Variants in MACROD2 observed in about 807,000 individuals in gnomAD.
MACROD2 encodes ADP-ribose glycohydrolase MACROD2.
In MACROD2, 36 loss-of-function variants were observed where a neutral mutation model predicts 70.4. The observed-to-expected ratio is 0.51, with a 90% CI of 0.39 to 0.68. MACROD2 has a LOEUF of 0.68. Among genes scored for constraint, MACROD2 ranks in the 30% least tolerant of loss-of-function variants. MACROD2 has a pLI of 0.00. For synonymous variants in MACROD2, 172 were observed against 178.8 expected (o/e 0.96, Z 0.30); for missense variants, 496 against 538.4 (o/e 0.92, Z 0.78).
intron 3 of MACROD2, among the ~76,000 whole-genome samples, chr20:14,233,040 A>T (rs145680455): frequency 2.8e-4 from 43 of 152,332 alleles, no homozygotes; most frequent in African/African-American, 1.0e-3. Flanking sequence ...AGAGGGAGAG[A>T]TATGGATAAT....
chr20:15,718,019 T>TC (rs199963390), intron 8 of MACROD2, among the ~76,000 whole-genome samples: 1,171 of 79,842 alleles, frequency 0.015, 12 homozygotes, highest in African/African-American at 0.12. Flanking sequence ...GTTTTCTCTC[T>TC]TTTTTTTTTT....
chr20:15,097,616 T>A (rs534177660), intron 5 of MACROD2, among the ~76,000 whole-genome samples: 2 of 152,112 alleles, frequency 1.3e-5, no homozygotes, highest in Non-Finnish European at 2.9e-5. Flanking sequence ...AGAAATAGGA[T>A]TGAGTTGATC....
At position 15,933,298 on chromosome 20, in the gene MACROD2, G is replaced by A; in HGVS notation, c.798G>A (p.Lys266=). 6.2e-7 allele frequency: 1 copy of A among 1,613,372 alleles called. No individual in the cohort carries two copies. The highest frequency in any genetic ancestry group is 2.2e-5 in the East Asian group (1 of 44,840). The change falls in exon 11 of 18, where the codon AAG becomes AAA. Residue 266 remains lysine, a synonymous_variant. Coordinates refer to ENST00000684519, the MANE Select transcript of MACROD2 (RefSeq NM_001351661.2). ...EDSDENGPEE[K]QSVEEMEEQS... Reference sequence around the variant, plus strand: ...AAGATGAGAACGGTCCAGAGGAGAAGCAAAGTGTGGAAGAAATGGAAGAGC... The same window carrying A: ...AAGATGAGAACGGTCCAGAGGAGAAACAAAGTGTGGAAGAAATGGAAGAGC...
At chr20:15,848,705 C>A (rs981189824) in intron 8 of MACROD2, among the ~76,000 whole-genome samples, 2 of 152,086 alleles carry the variant, frequency 1.3e-5, no homozygotes, top group Non-Finnish European at 2.9e-5. Context: ...AGAGGAAAAG[C>A]TATTTCTTCC....
At chr20:15,179,713 A>G (rs1016006656) in intron 5 of MACROD2, among the ~76,000 whole-genome samples, 1 of 152,116 alleles carries the variant, frequency 6.6e-6, no homozygotes, top group Non-Finnish European at 1.5e-5. Context: ...CCTCCTACCT[A>G]TGAATTACAG....
At chr20:14,265,793 T>C (rs2082139646) in intron 3 of MACROD2, among the ~76,000 whole-genome samples, 1 of 150,330 alleles carries the variant, frequency 6.7e-6, no homozygotes, top group African/African-American at 2.4e-5. Flanking sequence ...TTTTTTTTTT[T>C]TGAGACAGAG....
intron 15 of MACROD2, among the ~76,000 whole-genome samples, chr20:16,018,656 T>G (rs2066962048): frequency 6.6e-6 from 1 of 152,230 alleles, no homozygotes; most frequent in Non-Finnish European, 1.5e-5. Flanking sequence ...ATATTACATC[T>G]GGATTCCTTT....
intron 4 of MACROD2, among the ~76,000 whole-genome samples, chr20:14,509,377 T>C (rs1234986840): frequency 6.6e-6 from 1 of 152,102 alleles, no homozygotes. Flanking sequence ...TAATTGCATA[T>C]TGGATATTTT....
intron 3 of MACROD2, among the ~76,000 whole-genome samples, chr20:14,214,962 C>A (rs577465113): frequency 6.6e-6 from 1 of 150,880 alleles, no homozygotes; most frequent in East Asian, 1.9e-4. Context: ...CCTAGTGTTC[C>A]ATTATATATA....
At chr20:14,708,241 A>G (rs566003026) in intron 5 of MACROD2, among the ~76,000 whole-genome samples, 4 of 152,222 alleles carry the variant, frequency 2.6e-5, no homozygotes, top group Admixed American at 6.5e-5. Flanking sequence ...TTATTATAAT[A>G]TACACTGTGG....
chr20:14,142,161 C>T (rs1296473228), intron 3 of MACROD2, among the ~76,000 whole-genome samples: 3 of 151,810 alleles, frequency 2.0e-5, no homozygotes, highest in Non-Finnish European at 4.4e-5. Context: ...CCTTTTTTTC[C>T]TAATAGTGCA....
intron 3 of MACROD2, among the ~76,000 whole-genome samples, chr20:14,218,410 A>G (rs1569211380): frequency 6.6e-6 from 1 of 152,154 alleles, no homozygotes. Context: ...CTTATGTGCT[A>G]TGTGAGTCTC....
chr20:15,121,922 C>T (rs1269325508), intron 5 of MACROD2, among the ~76,000 whole-genome samples: 1 of 151,978 alleles, frequency 6.6e-6, no homozygotes, highest in Non-Finnish European at 1.5e-5. Flanking sequence ...TTTTTGTTTT[C>T]CTTACAAAGA....
At chr20:14,981,100 G>A (rs1247944664) in intron 5 of MACROD2, among the ~76,000 whole-genome samples, 2 of 151,676 alleles carry the variant, frequency 1.3e-5, no homozygotes, top group Non-Finnish European at 2.9e-5. Context: ...AAGAGTTTGG[G>A]GGAATGCCCC....
intron 9 of MACROD2, among the ~76,000 whole-genome samples, chr20:15,864,665 T>G (rs958001589): frequency 6.6e-6 from 1 of 152,138 alleles, no homozygotes; most frequent in African/African-American, 2.4e-5. Context: ...TTAATACTTA[T>G]GCAAACAAAT....
At chr20:15,554,546 CAAAAA>C (rs201068996) in intron 8 of MACROD2, among the ~76,000 whole-genome samples, 1 of 89,846 alleles carries the variant, frequency 1.1e-5, no homozygotes, top group Admixed American at 1.2e-4. Flanking sequence ...CCTATTTGGC[CAAAAA>C]AAAAAAAAAA....
chr20:14,971,646 CT>C (rs1364723132), intron 5 of MACROD2, among the ~76,000 whole-genome samples: 3 of 152,000 alleles, frequency 2.0e-5, no homozygotes, highest in African/African-American at 7.2e-5. Context: ...AGTTTGTAGG[CT>C]GCTGGGGCTT....
At chr20:16,010,268 C>T (rs2066845943) in intron 15 of MACROD2, among the ~76,000 whole-genome samples, 1 of 152,128 alleles carries the variant, frequency 6.6e-6, no homozygotes, top group Admixed American at 6.6e-5. Flanking sequence ...AGCCTAATTG[C>T]AGGAGTGACC....
At chr20:14,334,962 C>T (rs1601499114) in intron 3 of MACROD2, among the ~76,000 whole-genome samples, 2 of 152,104 alleles carry the variant, frequency 1.3e-5, no homozygotes, top group East Asian at 3.8e-4. Context: ...GAAATGGCAA[C>T]TATAAACCAA....
Sources: allele counts gnomAD v4.1 joint callset (sites outside exome capture counted in the v4.1 genomes callset), GRCh38; gene constraint gnomAD v4.1.1; transcripts MANE v1.5; gene names NCBI Gene and HGNC (gene_info 2026-07-23, HGNC 2026-07-21).